The following KLF12 variants were observed in gnomAD, a reference collection of about 807,000 sequenced individuals.
KLF12 encodes Krueppel-like factor 12.
Under a neutral mutation model 37.8 loss-of-function variants are expected in KLF12, and 9 were observed. The observed-to-expected ratio is 0.24, with a 90% confidence interval of 0.14 to 0.42. The LOEUF is 0.42. Ranked by LOEUF, KLF12 falls within the 10% of genes least tolerant of loss-of-function variation. The probability of loss-of-function intolerance (pLI) is 1.00; values close to 1 mark genes in which losing one functional copy is unlikely to be tolerated. For missense variants in KLF12, 411 were observed against 516.0 expected (o/e 0.80, Z 1.97); for synonymous variants, 208 against 202.1 (o/e 1.03, Z -0.25).
intron 6 of KLF12, among the ~76,000 whole-genome samples, chr13:73,740,221 G>C (rs895837621): frequency 4.6e-5 from 7 of 152,202 alleles, no homozygotes; most frequent in African/African-American, 1.7e-4. Context: ...TTATAAAAGA[G>C]GCTCCAGAGA....
intron 5 of KLF12, among the ~76,000 whole-genome samples, chr13:73,797,595 C>A (rs896749195): frequency 1.3e-5 from 2 of 151,930 alleles, no homozygotes; most frequent in African/African-American, 2.4e-5. Flanking sequence ...CACAGCAAAA[C>A]CCCATTTCTA....
the KLF12 span, among the ~76,000 whole-genome samples, chr13:74,211,411 G>T: frequency 7.9e-5 from 12 of 152,242 alleles, no homozygotes; most frequent in African/African-American, 2.6e-4. Context: ...GTGAATTAGG[G>T]TTATGGTTGG....
chr13:74,096,008 T>C (rs1353656368), intron 1 of KLF12, among the ~76,000 whole-genome samples: 1 of 152,164 alleles, frequency 6.6e-6, no homozygotes, highest in Non-Finnish European at 1.5e-5. Flanking sequence ...ATCCCCACCA[T>C]TTTCCATCAT....
chr13:74,290,281 T>G, the KLF12 span, among the ~76,000 whole-genome samples: 1 of 152,146 alleles, frequency 6.6e-6, no homozygotes, highest in Admixed American at 6.5e-5. Flanking sequence ...AATTCAGAAA[T>G]TTGCTTGAAC....
At chr13:74,073,670 T>C (rs1874404877) in intron 1 of KLF12, among the ~76,000 whole-genome samples, 1 of 152,130 alleles carries the variant, frequency 6.6e-6, no homozygotes, top group South Asian at 2.1e-4. Context: ...CAAAATACAC[T>C]ATTTGCAAAA....
At chr13:74,162,082 T>C in the KLF12 span, among the ~76,000 whole-genome samples, 1 of 152,212 alleles carries the variant, frequency 6.6e-6, no homozygotes, top group Non-Finnish European at 1.5e-5. Flanking sequence ...ACTGGAAAAG[T>C]GGCAGCCACA....
At chr13:74,204,886 T>G in the KLF12 span, among the ~76,000 whole-genome samples, 1 of 152,148 alleles carries the variant, frequency 6.6e-6, no homozygotes, top group Non-Finnish European at 1.5e-5. Flanking sequence ...TCTAGTTTAT[T>G]GCCACTATTG....
intron 7 of KLF12, among the ~76,000 whole-genome samples, chr13:73,699,469 T>C (rs1352373538): frequency 6.6e-6 from 1 of 152,022 alleles, no homozygotes; most frequent in Non-Finnish European, 1.5e-5. Flanking sequence ...GACCTAAAAA[T>C]ATCCTCAGAA....
At chr13:73,945,698 C>T (rs1593767823) in intron 2 of KLF12, among the ~76,000 whole-genome samples, 1 of 151,800 alleles carries the variant, frequency 6.6e-6, no homozygotes, top group Non-Finnish European at 1.5e-5. Context: ...AAAAAGTCTA[C>T]ACCACCTAGT....
At chr13:74,020,023 A>G (rs980581654) in intron 1 of KLF12, among the ~76,000 whole-genome samples, 4 of 152,270 alleles carry the variant, frequency 2.6e-5, no homozygotes, top group African/African-American at 9.6e-5. Flanking sequence ...AAGCTGGGAA[A>G]GAAAAGAAGA....
At chr13:73,928,722 T>C (rs1262018945) in intron 3 of KLF12, among the ~76,000 whole-genome samples, 1 of 152,188 alleles carries the variant, frequency 6.6e-6, no homozygotes, top group Admixed American at 6.5e-5. Context: ...GCTTTTGGCA[T>C]TTAAGTTGCC....
chr13:74,075,040 T>C (rs1249984571), intron 1 of KLF12, among the ~76,000 whole-genome samples: 1 of 152,106 alleles, frequency 6.6e-6, no homozygotes, highest in Admixed American at 6.5e-5. Flanking sequence ...TGTATTTATA[T>C]CCTCAGGATA....
intron 1 of KLF12, among the ~76,000 whole-genome samples, chr13:73,997,102 C>G (rs544782829): frequency 6.6e-5 from 10 of 152,136 alleles, no homozygotes; most frequent in Non-Finnish European, 1.5e-4. Flanking sequence ...CTAGTTTTTG[C>G]TTTCCATCCA....
chr13:74,101,578 G>A (rs1192881152), intron 1 of KLF12, among the ~76,000 whole-genome samples: 2 of 152,114 alleles, frequency 1.3e-5, no homozygotes, highest in Non-Finnish European at 2.9e-5. Context: ...CAGGAGGACA[G>A]GGCAGAGAAA....
intron 3 of KLF12, among the ~76,000 whole-genome samples, chr13:73,895,819 ATTCT>A (rs749081573): frequency 9.2e-6 from 1 of 108,888 alleles, no homozygotes; most frequent in Non-Finnish European, 1.9e-5. Flanking sequence ...TCACCATGGA[ATTCT>A]TTTTTTTTTT....
chr13:73,791,653 ATGATTTGTT>A (rs1257652886), intron 5 of KLF12, among the ~76,000 whole-genome samples: 1 of 152,140 alleles, frequency 6.6e-6, no homozygotes. Context: ...TTCCTGTAGT[ATGATTTGTT>A]TGATTTGTTT....
chr13:74,243,507 C>T, the KLF12 span, among the ~76,000 whole-genome samples: 1 of 152,122 alleles, frequency 6.6e-6, no homozygotes, highest in Non-Finnish European at 1.5e-5. Flanking sequence ...ATTCCTGGTT[C>T]TAGATCCTTG....
chr13:74,073,295 T>C (rs1874383987), intron 1 of KLF12, among the ~76,000 whole-genome samples: 1 of 152,210 alleles, frequency 6.6e-6, no homozygotes, highest in Non-Finnish European at 1.5e-5. Context: ...CACATGATTT[T>C]AAAATACAAG....
the KLF12 span, among the ~76,000 whole-genome samples, chr13:74,235,619 T>C: frequency 6.6e-6 from 1 of 152,218 alleles, no homozygotes; most frequent in African/African-American, 2.4e-5. Flanking sequence ...ATAAGATCTT[T>C]ATATGTTAAT....
Sources: allele counts gnomAD v4.1 joint callset (sites outside exome capture counted in the v4.1 genomes callset), GRCh38; gene constraint gnomAD v4.1.1; transcripts MANE v1.5; gene names NCBI Gene and HGNC (gene_info 2026-07-23, HGNC 2026-07-21).